Variants in KCTD8 observed in about 807,000 individuals in gnomAD.
The protein encoded by KCTD8 is potassium channel tetramerization domain containing 8.
A neutral mutation model predicts 31.5 loss-of-function variants in KCTD8; 27 were observed. That is an observed-to-expected ratio of 0.86 (90% CI 0.63 to 1.18). The LOEUF (loss-of-function observed/expected upper bound fraction) is 1.18, where lower values mean the gene tolerates loss of function less well. Among genes scored for constraint, KCTD8 ranks in the 50% most tolerant of loss-of-function variants. The pLI, the probability that KCTD8 is intolerant of heterozygous loss-of-function variation, is 0.00. For missense variants in KCTD8, 658 were observed against 647.7 expected, an observed-to-expected ratio of 1.02 and a Z score of -0.17; for synonymous variants, 290 against 280.0, an observed-to-expected ratio of 1.04 and a Z score of -0.36.
rs2068181 is a variant in KCTD8, at chr4:44,294,662, T to C, written c.962-119412A>G. Reference sequence around the variant, plus strand: ...CTTGGATTCTCACCAAAGACCATTATCATCAATAGAACAGAAGAATGTTAA... The same window carrying C: ...CTTGGATTCTCACCAAAGACCATTACCATCAATAGAACAGAAGAATGTTAA... On this transcript the variant is annotated intron_variant, in intron 1 of 1. Transcript: ENST00000360029. 7.8e-3 allele frequency among the ~76,000 whole-genome samples: 1,191 copies of C among 152,308 alleles called. 15 individuals are homozygous for C. The highest frequency in any genetic ancestry group is 0.027 in the African/African-American group (1,110 of 41,572).
At chr4:44,255,395 A>AT (rs1715962647) in intron 1 of KCTD8, among the ~76,000 whole-genome samples, 1 of 151,770 alleles carries the variant, frequency 6.6e-6, no homozygotes, top group African/African-American at 2.4e-5. Flanking sequence ...AAACCTGAAG[A>AT]TTTTTTCTCT....
At chr4:44,323,130 A>G (rs1018324774) in intron 1 of KCTD8, among the ~76,000 whole-genome samples, 2 of 152,052 alleles carry the variant, frequency 1.3e-5, no homozygotes, top group African/African-American at 4.8e-5. Context: ...GAAGAAAGTC[A>G]TTGGTATTTT....
intron 1 of KCTD8, among the ~76,000 whole-genome samples, chr4:44,271,311 C>T (rs1716591884): frequency 6.6e-6 from 1 of 152,042 alleles, no homozygotes; most frequent in Non-Finnish European, 1.5e-5. Context: ...GAATAGTAAT[C>T]AATCATGATA....
chr4:44,266,281 T>C (rs1180320224), intron 1 of KCTD8, among the ~76,000 whole-genome samples: 1 of 151,676 alleles, frequency 6.6e-6, no homozygotes, highest in Admixed American at 6.6e-5. Flanking sequence ...GAATTTCATA[T>C]CCAGCCAAAC....
intron 1 of KCTD8, among the ~76,000 whole-genome samples, chr4:44,440,001 G>A (rs571325555): frequency 5.3e-5 from 8 of 151,208 alleles, no homozygotes; most frequent in South Asian, 2.1e-4. Flanking sequence ...GTGGGATCTC[G>A]GCTCATTGCA....
At chr4:44,417,910 G>A (rs1293838142) in intron 1 of KCTD8, among the ~76,000 whole-genome samples, 3 of 151,920 alleles carry the variant, frequency 2.0e-5, no homozygotes, top group Non-Finnish European at 4.4e-5. Flanking sequence ...GATACTAATG[G>A]GATTATCCAA....
Position 44,174,482 on chromosome 4 carries a change from T to C in KCTD8, c.*308A>G. The C allele has an allele frequency of 4.4e-6, 1 of 229,690 alleles. No homozygotes were observed. The allele number at this position is 229,690 out of a possible 1,614,324, so 14.2% of individuals were successfully genotyped here. A position where few individuals can be genotyped will look rare whatever the true frequency, so the allele number is the denominator to read the frequency against. On this transcript the variant is annotated 3_prime_UTR_variant, in exon 2 of 2. Coordinates refer to ENST00000360029, the MANE Select transcript of KCTD8 (RefSeq NM_198353.3). ...GTTACAAAATGACAAACATATCCAG[T>C]TGACCAGAGTTCAAAAACCAAGATA...
intron 1 of KCTD8, among the ~76,000 whole-genome samples, chr4:44,290,389 G>C (rs1301307949): frequency 2.6e-5 from 4 of 152,024 alleles, no homozygotes; most frequent in Non-Finnish European, 5.9e-5. Flanking sequence ...ACACCACTGA[G>C]AGCATTAGAC....
chr4:44,202,865 T>C (rs2109339935), intron 1 of KCTD8, among the ~76,000 whole-genome samples: 1 of 152,308 alleles, frequency 6.6e-6, no homozygotes, highest in South Asian at 2.1e-4. Flanking sequence ...TTAATAATTG[T>C]AAAATTGAAA....
intron 1 of KCTD8, among the ~76,000 whole-genome samples, chr4:44,378,503 T>C (rs1719975460): frequency 6.6e-6 from 1 of 151,976 alleles, no homozygotes; most frequent in South Asian, 2.1e-4. Flanking sequence ...CTTAGTAAAC[T>C]GGGAATTATC....
intron 1 of KCTD8, among the ~76,000 whole-genome samples, chr4:44,251,015 C>T (rs889008528): frequency 2.6e-5 from 4 of 151,516 alleles, no homozygotes; most frequent in Admixed American, 1.3e-4. Flanking sequence ...TGAAGATATT[C>T]GTGATTTCTT....
chr4:44,289,630 G>A (rs530833987), intron 1 of KCTD8, among the ~76,000 whole-genome samples: 3 of 152,138 alleles, frequency 2.0e-5, no homozygotes, highest in Non-Finnish European at 4.4e-5. Flanking sequence ...GCTGTGAAAT[G>A]TTGGGATCCT....
rs76460022 is a variant in KCTD8, at chr4:44,423,112, G to A, written c.961+24451C>T. On this transcript the variant is annotated intron_variant, in intron 1 of 1. Coordinates refer to ENST00000360029, the MANE Select transcript of KCTD8 (RefSeq NM_198353.3). Reference sequence around the variant, plus strand: ...ATTTTTCATTGTCACAACTAAGGAGGGGAGGAGGAGAATGTGCTACTAGCA... The same window carrying A: ...ATTTTTCATTGTCACAACTAAGGAGAGGAGGAGGAGAATGTGCTACTAGCA... Among the ~76,000 whole-genome samples the A allele has an allele frequency of 3.9e-4, 60 of 152,184 alleles. 2 individuals carry two copies. The East Asian group carries it at 0.011, about 29-fold the overall frequency.
chr4:44,396,567 T>C (rs1458024084), intron 1 of KCTD8, among the ~76,000 whole-genome samples: 1 of 152,084 alleles, frequency 6.6e-6, no homozygotes, highest in Non-Finnish European at 1.5e-5. Flanking sequence ...TGTTTTTTTC[T>C]CATTAACATA....
At chr4:44,239,501 A>G (rs1445872246) in intron 1 of KCTD8, among the ~76,000 whole-genome samples, 2 of 152,234 alleles carry the variant, frequency 1.3e-5, no homozygotes, top group African/African-American at 4.8e-5. Context: ...AAGAGTAAGC[A>G]TCAATTAAAA....
chr4:44,264,723 CA>C lies in KCTD8; in HGVS notation c.962-89474del, dbSNP rs562301858. Among the ~76,000 whole-genome samples the C allele has an allele frequency of 1.1e-4, 17 of 152,292 alleles. No individual in the cohort carries two copies. The South Asian group carries it at 3.5e-3, about 32-fold the overall frequency. On this transcript the variant is annotated intron_variant, in intron 1 of 1. Coordinates refer to ENST00000360029, the MANE Select transcript of KCTD8 (RefSeq NM_198353.3). ...CCGATGGGCTTAGGAAATGGCACAC[CA>C]GGAGATTATATCCCGCACATGGCTC...
chr4:44,262,711 G>T (rs1408651279), intron 1 of KCTD8, among the ~76,000 whole-genome samples: 1 of 151,978 alleles, frequency 6.6e-6, no homozygotes, highest in Non-Finnish European at 1.5e-5. Context: ...TTCCAAAATG[G>T]TTATGTTTCT....
chr4:44,240,448 T>C (rs1715424071), intron 1 of KCTD8, among the ~76,000 whole-genome samples: 1 of 152,184 alleles, frequency 6.6e-6, no homozygotes, highest in Non-Finnish European at 1.5e-5. Flanking sequence ...TCAATGTACA[T>C]CTTTAATTCC....
intron 1 of KCTD8, among the ~76,000 whole-genome samples, chr4:44,405,772 A>G (rs1457015526): frequency 2.0e-5 from 3 of 146,990 alleles, no homozygotes; most frequent in Non-Finnish European, 1.5e-5. Flanking sequence ...TTTTGAATCA[A>G]TCATCCTCTA....
Sources: allele counts gnomAD v4.1 joint callset (sites outside exome capture counted in the v4.1 genomes callset), GRCh38; gene constraint gnomAD v4.1.1; transcripts MANE v1.5; gene names NCBI Gene and HGNC (gene_info 2026-07-23, HGNC 2026-07-21).